The following FAT3 variants were observed in gnomAD, a reference collection of about 807,000 sequenced individuals.
FAT3 encodes the protein FAT atypical cadherin 3, also known as protocadherin Fat 3.
A neutral mutation model predicts 310.2 loss-of-function variants in FAT3; 95 were observed. The observed-to-expected ratio is 0.31, with a 90% CI of 0.26 to 0.36. The LOEUF (loss-of-function observed/expected upper bound fraction) is 0.36. FAT3 is among the 10% of genes least tolerant of loss of function. The pLI is 1.00. For missense variants in FAT3, 5,408 were observed against 5,715.6 expected, an observed-to-expected ratio of 0.95 and a Z score of 1.74; for synonymous variants, 2,314 against 2,192.9, an observed-to-expected ratio of 1.06 and a Z score of -1.54.
intron 2 of FAT3, chr11:92,366,800 G>A (rs1949034149): frequency 1.9e-6 from 1 of 532,388 alleles, no homozygotes; most frequent in South Asian, 1.4e-5. Context: ...CTCACAGGAA[G>A]GTAGCTGATC....
At chr11:92,362,660 C>A (rs1948914054) in intron 2 of FAT3, among the ~76,000 whole-genome samples, 1 of 152,164 alleles carries the variant, frequency 6.6e-6, no homozygotes, top group African/African-American at 2.4e-5. Flanking sequence ...AAACTCTGCC[C>A]ACTCCTTTGT....
chr11:92,702,612 C>T (rs1331856122), intron 4 of FAT3, among the ~76,000 whole-genome samples: 1 of 152,182 alleles, frequency 6.6e-6, no homozygotes, highest in African/African-American at 2.4e-5. Flanking sequence ...AAACACACTG[C>T]CAGTTCCCTT....
intron 7 of FAT3, among the ~76,000 whole-genome samples, chr11:92,783,112 CACTT>C (rs1473382076): frequency 2.6e-5 from 4 of 152,144 alleles, no homozygotes; most frequent in Non-Finnish European, 2.9e-5. Context: ...GTAATCCCAA[CACTT>C]AGGGAGGCCA....
chr11:92,309,380 G>T (rs949979282), intron 1 of FAT3, among the ~76,000 whole-genome samples: 5 of 42,628 alleles, frequency 1.2e-4, no homozygotes, highest in Non-Finnish European at 1.6e-4. Context: ...TTACACACAC[G>T]CATGCACACA....
intron 3 of FAT3, among the ~76,000 whole-genome samples, chr11:92,627,161 C>A (rs1330787616): frequency 6.6e-6 from 1 of 152,068 alleles, no homozygotes; most frequent in Non-Finnish European, 1.5e-5. Flanking sequence ...ATGTGTGTAA[C>A]TCATGTTAAT....
chr11:92,683,964 A>G (rs1285065841), intron 3 of FAT3, among the ~76,000 whole-genome samples: 3 of 152,212 alleles, frequency 2.0e-5, no homozygotes, highest in Non-Finnish European at 2.9e-5. Context: ...GTTCCATGAC[A>G]TGTAGCATCG....
At chr11:92,574,520 A>G (rs1444391131) in intron 3 of FAT3, among the ~76,000 whole-genome samples, 2 of 152,124 alleles carry the variant, frequency 1.3e-5, no homozygotes, top group African/African-American at 4.8e-5. Context: ...GGGAAATAAT[A>G]TGAATCACTA....
In FAT3 at chr11:92,883,439, C is replaced by G. The variant is rs2136419595; in HGVS notation, c.12937+46C>G. 1 of 1,555,612 alleles carries G rather than the reference C, an allele frequency of 6.4e-7. No individual in the cohort carries two copies. Among genetic ancestry groups the G allele is most frequent in the Non-Finnish European group, 8.7e-7 (1 of 1,149,290 alleles). ...CTCACCCCTCGGTGCTTACAGGGAACCTGCAGGGGCGCTGTGCGAGGACGC... is the reference window on the plus strand; with the variant it reads ...CTCACCCCTCGGTGCTTACAGGGAAGCTGCAGGGGCGCTGTGCGAGGACGC... On this transcript the variant is annotated intron_variant, in intron 24 of 27. Coordinates refer to ENST00000525166, the MANE Select transcript of FAT3 (RefSeq NM_001367949.2). The surrounding 1 kb of genome is among the most constrained non-coding windows in gnomAD (Gnocchi z 4.2).
At chr11:92,638,931 C>A (rs2135722058) in intron 3 of FAT3, among the ~76,000 whole-genome samples, 1 of 152,272 alleles carries the variant, frequency 6.6e-6, no homozygotes, top group African/African-American at 2.4e-5. Context: ...CCCTACTAAT[C>A]TCATATAAGC....
intron 19 of FAT3, among the ~76,000 whole-genome samples, chr11:92,854,653 GT>G (rs1221123670): frequency 1.3e-5 from 2 of 152,170 alleles, no homozygotes; most frequent in Non-Finnish European, 2.9e-5. Flanking sequence ...ACTTATAGCT[GT>G]TTTTTAAAAA....
chr11:92,401,625 G>T (rs1950014565), intron 2 of FAT3, among the ~76,000 whole-genome samples: 1 of 152,052 alleles, frequency 6.6e-6, no homozygotes, highest in Admixed American at 6.6e-5. Context: ...AAAGACTGAG[G>T]CTTAATTAAG....
At position 92,883,238 on chromosome 11, in the gene FAT3, A is replaced by T. The variant is rs781541359; in HGVS notation, c.12782A>T (p.Gln4261Leu). Residue 4261 changes from glutamine to leucine, a missense_variant, in exon 24 of 28, where the codon CAG (glutamine) becomes CTG (leucine). Physicochemically the swap from Gln to Leu is moderately radical, Grantham distance 113. Transcript: ENST00000525166. The surrounding 1 kb of genome is among the most constrained non-coding windows in gnomAD (Gnocchi z 4.2). ...GTGGACGGGCTGGGAGGCGAGCACCAGGAAATGACCACGTTTCACCCTGAG... is the reference window on the plus strand; with the variant it reads ...GTGGACGGGCTGGGAGGCGAGCACCTGGAAATGACCACGTTTCACCCTGAG... Reference protein sequence around the residue: ...KIVDGLGGEHQEMTTFHPESP... With the variant: ...KIVDGLGGEHLEMTTFHPESP... The T allele has an allele frequency of 1.9e-6, 3 of 1,613,052 alleles. No individual in the cohort carries two copies. The highest frequency in any genetic ancestry group is 2.5e-6 in the Non-Finnish European group (3 of 1,179,846).
intron 6 of FAT3, chr11:92,766,865 T>A (rs2136100220): frequency 6.6e-6 from 1 of 152,372 alleles, no homozygotes; most frequent in African/African-American, 2.4e-5. Context: ...TCACCTTTAA[T>A]GATTTCTTCA....
At chr11:92,401,031 C>T (rs1488546064) in intron 2 of FAT3, among the ~76,000 whole-genome samples, 1 of 152,064 alleles carries the variant, frequency 6.6e-6, no homozygotes, top group African/African-American at 2.4e-5. Flanking sequence ...TCAACCGTGA[C>T]ATATATAGAG....
intron 7 of FAT3, among the ~76,000 whole-genome samples, chr11:92,780,687 T>G (rs916907191): frequency 2.0e-5 from 3 of 152,160 alleles, no homozygotes. Context: ...GAAACTCACC[T>G]GGCCCTACTA....
chr11:92,775,753 A>G (rs1946582498), intron 7 of FAT3, among the ~76,000 whole-genome samples: 1 of 152,250 alleles, frequency 6.6e-6, no homozygotes, highest in Non-Finnish European at 1.5e-5. Flanking sequence ...TATGAAATTC[A>G]GTAAATACAG....
chr11:92,494,956 A>C (rs1015514407), intron 2 of FAT3, among the ~76,000 whole-genome samples: 1 of 152,040 alleles, frequency 6.6e-6, no homozygotes, highest in Non-Finnish European at 1.5e-5. Flanking sequence ...CAGCATGAAA[A>C]CTGATTTAGG....
chr11:92,619,830 T>G (rs1941000299), intron 3 of FAT3, among the ~76,000 whole-genome samples: 1 of 152,066 alleles, frequency 6.6e-6, no homozygotes, highest in African/African-American at 2.4e-5. Context: ...TTGACTTCTT[T>G]TTTTCTATTT....
chr11:92,888,821 C>T (rs1949851652), intron 25 of FAT3, among the ~76,000 whole-genome samples: 1 of 152,196 alleles, frequency 6.6e-6, no homozygotes, highest in South Asian at 2.1e-4. Context: ...AGGTCTTCCT[C>T]TGAGAGCCTT....
Sources: allele counts gnomAD v4.1 joint callset (sites outside exome capture counted in the v4.1 genomes callset), GRCh38; gene constraint gnomAD v4.1.1; non-coding constraint Gnocchi (gnomAD v3.1); transcripts MANE v1.5; gene names NCBI Gene and HGNC (gene_info 2026-07-23, HGNC 2026-07-21).